MYO1B: variants seen among roughly 807,000 people sequenced by gnomAD.
MYO1B encodes the protein myosin IB.
In MYO1B, 72 loss-of-function variants were observed where a neutral mutation model predicts 159.7. The ratio of observed to expected loss-of-function variants is 0.45; its 90% confidence interval spans 0.37 to 0.55. The LOEUF is 0.55. Ranked by LOEUF, MYO1B falls within the 20% of genes least tolerant of loss-of-function variation. The pLI is 0.00. For missense variants in MYO1B, 1,062 were observed against 1,364.8 expected, an observed-to-expected ratio of 0.78 and a Z score of 3.50; for synonymous variants, 468 against 473.8, an observed-to-expected ratio of 0.99 and a Z score of 0.16.
intron 26 of MYO1B, among the ~76,000 whole-genome samples, chr2:191,410,580 C>T (rs538407274): frequency 7.2e-5 from 11 of 152,194 alleles, no homozygotes; most frequent in African/African-American, 1.2e-4. Flanking sequence ...TTACTACCAG[C>T]GTTTTTCAAT....
At chr2:191,336,729 A>G (rs1691872738) in intron 4 of MYO1B, among the ~76,000 whole-genome samples, 1 of 152,140 alleles carries the variant, frequency 6.6e-6, no homozygotes, top group Non-Finnish European at 1.5e-5. Flanking sequence ...TGGTTTCTCC[A>G]AGCTGTAGAG....
intron 3 of MYO1B, among the ~76,000 whole-genome samples, chr2:191,323,769 T>C (rs148260069): frequency 2.6e-5 from 4 of 152,302 alleles, no homozygotes; most frequent in African/African-American, 4.8e-5. Flanking sequence ...AAATGACTTA[T>C]CTTGATGATA....
chr2:191,247,451 C>T (rs150756675), intron 1 of MYO1B, among the ~76,000 whole-genome samples: 1 of 152,100 alleles, frequency 6.6e-6, no homozygotes, highest in African/African-American at 2.4e-5. Context: ...GAGGGTTTGT[C>T]TTTTTCGTGG....
Position 191,350,143 on chromosome 2 carries a change from C to T in MYO1B, c.499-19C>T. 6.2e-7 allele frequency: 1 copy of T among 1,610,186 alleles called. No homozygotes were observed. The highest frequency in any genetic ancestry group is 2.2e-5 in the East Asian group (1 of 44,650). ...ATTTTGAGATGAACTAGAAAACTCA[C>T]AAAATCTTTCTTTGGCAGGGCAAAT... On this transcript the variant is annotated intron_variant, in intron 6 of 30. Coordinates refer to ENST00000392318, the MANE Select transcript of MYO1B (RefSeq NM_001130158.3).
Position 191,309,989 on chromosome 2 carries a change from GAATA to G in MYO1B, c.251+13764_251+13767del, listed in dbSNP as rs890891757. On this transcript the variant is annotated intron_variant, in intron 3 of 30. Transcript: ENST00000392318. Reference sequence around the variant, plus strand: ...ATATTGGTGGAGTGAGTGAATGAATGAATAGATTGGTGGGGAGTGGGAGAGCTGC... The same window carrying G: ...ATATTGGTGGAGTGAGTGAATGAATGGATTGGTGGGGAGTGGGAGAGCTGC... Among the ~76,000 whole-genome samples the G allele has an allele frequency of 4.6e-5, 7 of 152,346 alleles. No individual in the cohort carries two copies. The East Asian group carries it at 1.3e-3, about 29-fold the overall frequency.
chr2:191,256,187 G>A (rs115421858), intron 1 of MYO1B, among the ~76,000 whole-genome samples: 3,772 of 152,260 alleles, frequency 0.025, 69 homozygotes, highest in South Asian at 0.041. Context: ...AAAGCTATGT[G>A]GTGCAGTGGT....
intron 13 of MYO1B, chr2:191,377,637 G>A (rs922580488): frequency 3.3e-5 from 5 of 152,110 alleles, no homozygotes; most frequent in Non-Finnish European, 5.9e-5. Flanking sequence ...TGAAAACCAG[G>A]TATTAATTTA....
intron 3 of MYO1B, 62 bp downstream of exon 3, chr2:191,296,288 G>GC: frequency 1.2e-6 from 1 of 804,086 alleles, no homozygotes. Context: ...GTTGACAGAT[G>GC]TGTGCAGCTG....
chr2:191,401,237 C>T (rs1696597315), intron 23 of MYO1B, among the ~76,000 whole-genome samples: 1 of 151,924 alleles, frequency 6.6e-6, no homozygotes, highest in Non-Finnish European at 1.5e-5. Context: ...AACATGTTGA[C>T]AATGGAAATG....
At chr2:191,315,157 G>GTCCATCCA (rs5837229) in intron 3 of MYO1B, among the ~76,000 whole-genome samples, 187 of 150,066 alleles carry the variant, frequency 1.2e-3, no homozygotes, top group Non-Finnish European at 1.8e-3. Context: ...CCGTCCGTCC[G>GTCCATCCA]TCCATCCATC....
chr2:191,326,875 G>A (rs1417939832), intron 3 of MYO1B, among the ~76,000 whole-genome samples: 1 of 150,602 alleles, frequency 6.6e-6, no homozygotes, highest in Non-Finnish European at 1.5e-5. Flanking sequence ...GGAACCAGTG[G>A]TAAATATAAT....
intron 13 of MYO1B, among the ~76,000 whole-genome samples, chr2:191,370,693 C>T (rs1485028088): frequency 1.3e-5 from 2 of 152,166 alleles, no homozygotes; most frequent in Admixed American, 1.3e-4. Flanking sequence ...GAAAGTGTGG[C>T]AGGTTGGTGC....
chr2:191,286,686 A>C (rs1688392245), intron 2 of MYO1B, among the ~76,000 whole-genome samples: 1 of 152,114 alleles, frequency 6.6e-6, no homozygotes, highest in Admixed American at 6.5e-5. Context: ...TAATCCCAGC[A>C]CTTTGGGAGT....
intron 1 of MYO1B, among the ~76,000 whole-genome samples, chr2:191,269,992 G>C (rs2125716520): frequency 6.6e-6 from 1 of 152,322 alleles, no homozygotes; most frequent in East Asian, 1.9e-4. Context: ...CCAAGTGGTA[G>C]AGATGATTGG....
chr2:191,383,515 TAC>T (rs71030338), intron 15 of MYO1B, among the ~76,000 whole-genome samples, 173 bp downstream of exon 15: 10,654 of 122,502 alleles, frequency 0.087, 1,091 homozygotes, highest in African/African-American at 0.27. Flanking sequence ...TATATACACG[TAC>T]ACACACACAC....
intron 6 of MYO1B, among the ~76,000 whole-genome samples, chr2:191,348,751 T>C (rs1484706423): frequency 6.6e-6 from 1 of 152,240 alleles, no homozygotes; most frequent in Non-Finnish European, 1.5e-5. Context: ...AGCTACATCT[T>C]CTCTTGCTTC....
intron 7 of MYO1B, among the ~76,000 whole-genome samples, chr2:191,358,622 C>T (rs896342374): frequency 2.0e-5 from 3 of 152,148 alleles, no homozygotes; most frequent in Non-Finnish European, 4.4e-5. Context: ...AGTGTTGTCA[C>T]GGGCTTTTTG....
At chr2:191,345,149 GC>G (rs918793276) in intron 5 of MYO1B, among the ~76,000 whole-genome samples, 2 of 152,130 alleles carry the variant, frequency 1.3e-5, no homozygotes, top group Admixed American at 6.5e-5. Context: ...CTGCCGTGTG[GC>G]CCCTGGATCC....
chr2:191,351,359 C>T (rs184083044), intron 7 of MYO1B, among the ~76,000 whole-genome samples: 7 of 152,074 alleles, frequency 4.6e-5, no homozygotes, highest in South Asian at 4.2e-4. Context: ...CCCAGAATCC[C>T]GGCACTCTCA....
Sources: allele counts gnomAD v4.1 joint callset (sites outside exome capture counted in the v4.1 genomes callset), GRCh38; gene constraint gnomAD v4.1.1; transcripts MANE v1.5; gene names NCBI Gene and HGNC (gene_info 2026-07-23, HGNC 2026-07-21).